PCCA: variants seen among roughly 807,000 people sequenced by gnomAD.
PCCA encodes the protein propionyl-CoA carboxylase subunit alpha, also known as propionyl-CoA carboxylase alpha chain, mitochondrial.
Under a neutral mutation model 101.3 loss-of-function variants are expected in PCCA, and 74 were observed. That is an observed-to-expected ratio of 0.73 (90% CI 0.61 to 0.89). The LOEUF (loss-of-function observed/expected upper bound fraction) is 0.89. Among genes scored for constraint, PCCA ranks in the 40% least tolerant of loss-of-function variants. The pLI, the probability that PCCA is intolerant of heterozygous loss-of-function variation, is 0.00. For missense variants in PCCA, 891 were observed against 907.0 expected (o/e 0.98, Z 0.23); for synonymous variants, 294 against 313.6 (o/e 0.94, Z 0.66).
At chr13:100,512,179 C>T (rs1032041701) in intron 21 of PCCA, among the ~76,000 whole-genome samples, 1 of 152,214 alleles carries the variant, frequency 6.6e-6, no homozygotes, top group African/African-American at 2.4e-5. Flanking sequence ...ACTGGTGTTT[C>T]TTGTCATTGT....
intron 19 of PCCA, among the ~76,000 whole-genome samples, chr13:100,373,911 A>T (rs1289080299): frequency 6.6e-6 from 1 of 152,112 alleles, no homozygotes; most frequent in Non-Finnish European, 1.5e-5. Context: ...CAGGAGTTCG[A>T]GACCAGCCTG....
intron 20 of PCCA, among the ~76,000 whole-genome samples, chr13:100,444,772 C>T (rs888277004): frequency 6.6e-5 from 10 of 152,184 alleles, no homozygotes; most frequent in South Asian, 2.1e-4. Flanking sequence ...GCAATCTGCC[C>T]GCCTCGGTCT....
chr13:100,094,022 A>G (rs2046522211), intron 1 of PCCA, among the ~76,000 whole-genome samples: 1 of 152,130 alleles, frequency 6.6e-6, no homozygotes, highest in Non-Finnish European at 1.5e-5. Context: ...TGAGGTCGGG[A>G]GTTCAAGACC....
chr13:100,320,366 A>G (rs563345594), intron 16 of PCCA, among the ~76,000 whole-genome samples: 77 of 152,318 alleles, frequency 5.1e-4, no homozygotes, highest in African/African-American at 1.7e-3. Flanking sequence ...ACTATGTTGA[A>G]TAGGAGTGGT....
chr13:100,338,341 C>T (rs1166811975), intron 17 of PCCA, among the ~76,000 whole-genome samples: 3 of 152,138 alleles, frequency 2.0e-5, no homozygotes, highest in African/African-American at 7.2e-5. Flanking sequence ...AAATCCATTA[C>T]GTGTTGACAT....
At chr13:100,138,796 G>A (rs770087543) in intron 4 of PCCA, among the ~76,000 whole-genome samples, 4 of 151,830 alleles carry the variant, frequency 2.6e-5, no homozygotes, top group African/African-American at 7.3e-5. Context: ...TTAGCCAGGC[G>A]CAGTGGTAGG....
chr13:100,345,910 G>A (rs1211257701), intron 18 of PCCA, among the ~76,000 whole-genome samples: 2 of 151,888 alleles, frequency 1.3e-5, no homozygotes, highest in Non-Finnish European at 2.9e-5. Flanking sequence ...AACAAAGCCT[G>A]GATGACAAAA....
chr13:100,285,998 G>A (rs2064601690), intron 12 of PCCA, among the ~76,000 whole-genome samples: 1 of 152,114 alleles, frequency 6.6e-6, no homozygotes, highest in Admixed American at 6.5e-5. Context: ...TTGAGAAGGG[G>A]CAGATATGCC....
intron 20 of PCCA, among the ~76,000 whole-genome samples, chr13:100,446,249 C>T (rs1003124551): frequency 2.0e-5 from 3 of 152,058 alleles, no homozygotes; most frequent in Non-Finnish European, 4.4e-5. Context: ...AGGCTGGTCT[C>T]AAACTCCTGA....
intron 6 of PCCA, among the ~76,000 whole-genome samples, chr13:100,207,362 A>G (rs1395562053): frequency 6.6e-6 from 1 of 151,984 alleles, no homozygotes; most frequent in Non-Finnish European, 1.5e-5. Context: ...TCTCTGAATG[A>G]TTTCATTCAC....
chr13:100,205,963 C>T (rs143246292), intron 6 of PCCA, among the ~76,000 whole-genome samples: 6 of 152,176 alleles, frequency 3.9e-5, no homozygotes, highest in Admixed American at 2.0e-4. Context: ...CACCTGGAGA[C>T]GTAGAGTTGA....
At chr13:100,418,135 G>A (rs2078503003) in intron 19 of PCCA, among the ~76,000 whole-genome samples, 1 of 152,058 alleles carries the variant, frequency 6.6e-6, no homozygotes, top group Admixed American at 6.5e-5. Context: ...TCCCTGGCCT[G>A]GCATTATAGT....
chr13:100,252,505 A>T (rs1169916119), intron 8 of PCCA, among the ~76,000 whole-genome samples: 3 of 152,162 alleles, frequency 2.0e-5, no homozygotes, highest in Non-Finnish European at 4.4e-5. Flanking sequence ...ACCACATAAG[A>T]TTCTTTATTA....
chr13:100,291,668 T>G (rs2065135896), intron 12 of PCCA, among the ~76,000 whole-genome samples: 1 of 152,196 alleles, frequency 6.6e-6, no homozygotes, highest in South Asian at 2.1e-4. Flanking sequence ...CAGCAGCCCT[T>G]CAGATGGTTG....
At chr13:100,174,778 TA>T (rs2056082057) in intron 6 of PCCA, among the ~76,000 whole-genome samples, 8 of 151,000 alleles carry the variant, frequency 5.3e-5, no homozygotes, top group African/African-American at 1.9e-4. Context: ...TGCATTTAGG[TA>T]ACCACAGAGA....
intron 12 of PCCA, among the ~76,000 whole-genome samples, chr13:100,277,079 G>A (rs1358256518): frequency 6.6e-6 from 1 of 151,960 alleles, no homozygotes; most frequent in Non-Finnish European, 1.5e-5. Context: ...TTGTGACTAC[G>A]GCAATCTAAG....
chr13:100,301,587 G>C lies in PCCA; in HGVS notation c.1193G>C (p.Cys398Ser), dbSNP rs149293297. 1.3e-4 allele frequency: 214 copies of C among 1,613,936 alleles called. No homozygotes were observed. Among genetic ancestry groups the C allele is most frequent in the Non-Finnish European group, 1.8e-4 (209 of 1,179,962 alleles). ...CGCATCAACGGCTGGGCAGTTGAAT[G>C]TCGGGTTTATGCTGAGGTAAAATGA... ...DIRINGWAVE[C>S]RVYAEDPYKS... Residue 398 changes from cysteine to serine, a missense_variant, in exon 13 of 24, where the codon TGT (cysteine) becomes TCT (serine). Coordinates refer to ENST00000376285, the MANE Select transcript of PCCA (RefSeq NM_000282.4).
intron 12 of PCCA, among the ~76,000 whole-genome samples, chr13:100,278,711 C>G (rs999998547): frequency 2.0e-5 from 3 of 152,138 alleles, no homozygotes; most frequent in Admixed American, 1.3e-4. Flanking sequence ...GTTTCTTGAC[C>G]TTGTGATCCA....
intron 22 of PCCA, among the ~76,000 whole-genome samples, chr13:100,524,916 G>A (rs571957745): frequency 9.9e-5 from 15 of 151,946 alleles, no homozygotes; most frequent in African/African-American, 3.1e-4. Context: ...GATTACATAA[G>A]ATAGATAGAT....
Sources: allele counts gnomAD v4.1 joint callset (sites outside exome capture counted in the v4.1 genomes callset), GRCh38; gene constraint gnomAD v4.1.1; transcripts MANE v1.5; gene names NCBI Gene and HGNC (gene_info 2026-07-23, HGNC 2026-07-21).